The following GOLM2 variants were observed in gnomAD, a reference collection of about 807,000 sequenced individuals.
GOLM2 encodes the protein protein GOLM2.
A neutral mutation model predicts 55.9 loss-of-function variants in GOLM2; 26 were observed. The ratio of observed to expected loss-of-function variants is 0.47; its 90% CI spans 0.34 to 0.65. The LOEUF is 0.65. GOLM2 is among the 30% of genes least tolerant of loss of function. The probability of loss-of-function intolerance (pLI) is 0.01; values close to 1 mark genes in which losing one functional copy is unlikely to be tolerated. For synonymous variants in GOLM2, 165 were observed against 194.6 expected (o/e 0.85, Z 1.27); for missense variants, 486 against 531.8 (o/e 0.91, Z 0.85).
chr15:44,376,166 G>A (rs992155202), intron 6 of GOLM2, among the ~76,000 whole-genome samples: 1 of 152,174 alleles, frequency 6.6e-6, no homozygotes. Context: ...CCGGGGAGGC[G>A]GAGGTTGTGG....
At chr15:44,329,425 A>G (rs1356604932) in intron 3 of GOLM2, among the ~76,000 whole-genome samples, 1 of 152,202 alleles carries the variant, frequency 6.6e-6, no homozygotes, top group African/African-American at 2.4e-5. Flanking sequence ...ATCATTGTAC[A>G]TTTACTTAAA....
chr15:44,330,775 G>C (rs993737170), intron 3 of GOLM2, among the ~76,000 whole-genome samples: 1 of 152,024 alleles, frequency 6.6e-6, no homozygotes. Flanking sequence ...TGTTATTTCA[G>C]TAGTATATTT....
chr15:44,369,068 TATATATATATATATATATATATATA>T lies in GOLM2; in HGVS notation c.803-10621_803-10597del, dbSNP rs2079307552. Among the ~76,000 whole-genome samples the T allele has an allele frequency of 4.8e-3, 28 of 5,834 alleles. 1 individual carries two copies. The highest frequency in any genetic ancestry group is 0.012 in the African/African-American group (27 of 2,260). 3.8% of individuals were successfully genotyped at this position (5,834 alleles called of 152,430 possible). ...GATATATACATATAATAGGATATAT[TATATATATATATATATATATATATA>T]TATATATATATATATATATATATAC... On this transcript the variant is annotated intron_variant, in intron 6 of 9. Transcript: ENST00000299957.
rs878960875 is a variant in GOLM2 at position 44,413,810 on chromosome 15, CTTT to C, written c.*419_*421del. 5.8e-5 allele frequency: 8 copies of C among 136,928 alleles called. No individual in the cohort carries two copies. The highest frequency in any genetic ancestry group is 2.3e-4 in the South Asian group (1 of 4,274). The allele number at this position is 136,928 out of a possible 1,614,324, so 8.5% of individuals were successfully genotyped here. On this transcript the variant is annotated 3_prime_UTR_variant, in exon 10 of 10. Coordinates refer to ENST00000299957, the MANE Select transcript of GOLM2 (RefSeq NM_138423.4). ...GCAGAAAACTTTTTATACTCTAATT[CTTT>C]TTTTTTTTTTTTTTGAGACAGAGTT...
Position 44,288,742 on chromosome 15 carries a change from T to G in GOLM2, c.-288T>G. The G allele has an allele frequency of 1.8e-5, 8 of 434,174 alleles. No individual in the cohort carries two copies. Among genetic ancestry groups the G allele is most frequent in the Non-Finnish European group, 2.9e-5 (7 of 243,454 alleles). 26.9% of individuals were successfully genotyped at this position (434,174 alleles called of 1,614,324 possible). Reference sequence around the variant, plus strand: ...TCCCCGCCTCCCAACCGTGAGGTGTTGGGTTTGGGGGACGCTGGCAGCTGG... The same window carrying G: ...TCCCCGCCTCCCAACCGTGAGGTGTGGGGTTTGGGGGACGCTGGCAGCTGG... On this transcript the variant is annotated 5_prime_UTR_variant, in exon 1 of 10. Coordinates refer to ENST00000299957, the MANE Select transcript of GOLM2 (RefSeq NM_138423.4).
intron 1 of GOLM2, among the ~76,000 whole-genome samples, chr15:44,313,057 C>T (rs1290690545): frequency 2.7e-5 from 4 of 150,244 alleles, no homozygotes; most frequent in East Asian, 1.9e-4. Flanking sequence ...CCAGCCTGGG[C>T]GACGGAGCAA....
At chr15:44,360,210 T>C (rs1225651908) in intron 6 of GOLM2, among the ~76,000 whole-genome samples, 2 of 151,828 alleles carry the variant, frequency 1.3e-5, no homozygotes, top group African/African-American at 4.8e-5. Flanking sequence ...CAATATTAAC[T>C]TTAAATGTAA....
chr15:44,301,937 C>T (rs1376673831), intron 1 of GOLM2, among the ~76,000 whole-genome samples: 1 of 150,956 alleles, frequency 6.6e-6, no homozygotes, highest in East Asian at 2.0e-4. Context: ...ACTTAGGAGC[C>T]AAGGTCATGG....
intron 1 of GOLM2, among the ~76,000 whole-genome samples, chr15:44,316,354 C>T (rs2078909545): frequency 6.6e-6 from 1 of 151,884 alleles, no homozygotes; most frequent in South Asian, 2.1e-4. Context: ...AAACAGTGAA[C>T]TATGAGAAGG....
chr15:44,361,726 A>G (rs1305957431), intron 6 of GOLM2, among the ~76,000 whole-genome samples: 7 of 152,116 alleles, frequency 4.6e-5, no homozygotes, highest in South Asian at 4.1e-4. Flanking sequence ...TACCAAAGCC[A>G]GGCAGAGACA....
chr15:44,356,450 A>G (rs1298845420), intron 6 of GOLM2, among the ~76,000 whole-genome samples: 1 of 152,142 alleles, frequency 6.6e-6, no homozygotes, highest in Non-Finnish European at 1.5e-5. Flanking sequence ...ACTATGAACA[A>G]CTCTGTGCCT....
chr15:44,303,846 G>A (rs951223047), intron 1 of GOLM2, among the ~76,000 whole-genome samples: 18 of 148,912 alleles, frequency 1.2e-4, no homozygotes, highest in South Asian at 4.2e-4. Flanking sequence ...AGCAATTCTC[G>A]TGCCTTAGCC....
chr15:44,318,240 C>G (rs1297192524), intron 1 of GOLM2, among the ~76,000 whole-genome samples: 1 of 152,210 alleles, frequency 6.6e-6, no homozygotes, highest in East Asian at 1.9e-4. Context: ...AAAAATGTAA[C>G]AGTCATCCTT....
intron 8 of GOLM2, among the ~76,000 whole-genome samples, chr15:44,400,321 C>CT (rs373937559): frequency 7.4e-5 from 11 of 148,588 alleles, no homozygotes; most frequent in Non-Finnish European, 7.5e-5. Flanking sequence ...ACCCTCCCTT[C>CT]TTTTTTTTTT....
At chr15:44,318,021 A>G (rs1043032855) in intron 1 of GOLM2, among the ~76,000 whole-genome samples, 6 of 152,174 alleles carry the variant, frequency 3.9e-5, no homozygotes, top group African/African-American at 1.2e-4. Context: ...CTTTTCTGTA[A>G]AAGTCCAGAT....
chr15:44,305,017 T>G (rs1307856386), intron 1 of GOLM2, among the ~76,000 whole-genome samples: 1 of 151,870 alleles, frequency 6.6e-6, no homozygotes, highest in Non-Finnish European at 1.5e-5. Flanking sequence ...ATGTTCTTTT[T>G]TTTGAGGCAC....
chr15:44,393,612 T>G (rs2079505683), intron 8 of GOLM2, among the ~76,000 whole-genome samples: 1 of 152,168 alleles, frequency 6.6e-6, no homozygotes, highest in East Asian at 1.9e-4. Context: ...ATAATGCTCT[T>G]TTTTTGTTTG....
intron 6 of GOLM2, among the ~76,000 whole-genome samples, chr15:44,378,492 G>A (rs1358306464): frequency 1.3e-5 from 2 of 151,534 alleles, no homozygotes; most frequent in Non-Finnish European, 2.9e-5. Flanking sequence ...TAAGTAGCTG[G>A]GATTACAGAC....
intron 9 of GOLM2, among the ~76,000 whole-genome samples, chr15:44,403,346 GA>G (rs1458313006): frequency 3.3e-5 from 5 of 152,002 alleles, no homozygotes; most frequent in Admixed American, 6.6e-5. Context: ...ATATTTAGTA[GA>G]GACGGGGTTT....
Sources: gnomAD v4.1 joint callset for allele counts (sites outside exome capture counted in the v4.1 genomes callset) on GRCh38, gnomAD v4.1.1 for gene constraint, MANE v1.5 for transcripts, NCBI Gene and HGNC (gene_info 2026-07-23, HGNC 2026-07-21) for gene names.